TLL1: variants seen among roughly 807,000 people sequenced by gnomAD.
The protein encoded by TLL1 is tolloid-like protein 1.
Under a neutral mutation model 128.2 loss-of-function variants are expected in TLL1, and 49 were observed. The ratio of observed to expected loss-of-function variants is 0.38; its 90% CI spans 0.30 to 0.48. The LOEUF is 0.48. TLL1 is among the 20% of genes least tolerant of loss of function. The probability of loss-of-function intolerance (pLI) is 0.96; values close to 1 mark genes in which losing one functional copy is unlikely to be tolerated. For missense variants in TLL1, 1,123 were observed against 1,242.0 expected (o/e 0.90, Z 1.44); for synonymous variants, 454 against 418.8 (o/e 1.08, Z -1.03).
intron 1 of TLL1, among the ~76,000 whole-genome samples, chr4:165,878,380 T>C (rs1430750257): frequency 6.6e-6 from 1 of 152,106 alleles, no homozygotes; most frequent in East Asian, 1.9e-4. Context: ...TTTTTTTCTC[T>C]TCTTGCCTTG....
At chr4:166,014,863 G>T (rs887912242) in intron 8 of TLL1, among the ~76,000 whole-genome samples, 2 of 151,974 alleles carry the variant, frequency 1.3e-5, no homozygotes, top group Admixed American at 6.6e-5. Context: ...TTAAATAGTT[G>T]CATGATTTCA....
chr4:165,931,424 A>T (rs1733508059), intron 1 of TLL1, among the ~76,000 whole-genome samples: 1 of 152,158 alleles, frequency 6.6e-6, no homozygotes, highest in Admixed American at 6.5e-5. Context: ...TGTGATTAGA[A>T]ATTGCAGTGA....
At chr4:165,930,562 G>A (rs1263901873) in intron 1 of TLL1, among the ~76,000 whole-genome samples, 2 of 152,024 alleles carry the variant, frequency 1.3e-5, no homozygotes, top group East Asian at 3.9e-4. Context: ...TCCAACAGAG[G>A]ATTTATGGTC....
intron 9 of TLL1, among the ~76,000 whole-genome samples, chr4:166,028,938 G>C (rs1190377315): frequency 1.3e-5 from 2 of 151,698 alleles, no homozygotes; most frequent in African/African-American, 4.8e-5. Context: ...TTTAATTATA[G>C]TGCTTATTTT....
At chr4:165,893,261 A>T (rs902365198) in intron 1 of TLL1, among the ~76,000 whole-genome samples, 1 of 152,174 alleles carries the variant, frequency 6.6e-6, no homozygotes, top group Non-Finnish European at 1.5e-5. Context: ...ATTGTGACTG[A>T]AACAACTAAG....
chr4:165,915,999 A>G (rs1402081264), intron 1 of TLL1, among the ~76,000 whole-genome samples: 1 of 152,262 alleles, frequency 6.6e-6, no homozygotes, highest in East Asian at 1.9e-4. Flanking sequence ...ACCAATTATA[A>G]CTTACCAGTG....
intron 1 of TLL1, among the ~76,000 whole-genome samples, chr4:165,875,412 C>A (rs1299395261): frequency 6.6e-6 from 1 of 152,124 alleles, no homozygotes; most frequent in African/African-American, 2.4e-5. Flanking sequence ...ACATCTTTCT[C>A]GGTGCATCCT....
chr4:165,990,259 C>T (rs1176980938), intron 2 of TLL1, among the ~76,000 whole-genome samples: 1 of 151,756 alleles, frequency 6.6e-6, no homozygotes, highest in Non-Finnish European at 1.5e-5. Flanking sequence ...AAGTTAAAAT[C>T]TCTTTCTCTA....
intron 18 of TLL1, among the ~76,000 whole-genome samples, chr4:166,087,095 T>C (rs1741555209): frequency 6.6e-6 from 1 of 152,256 alleles, no homozygotes; most frequent in East Asian, 1.9e-4. Flanking sequence ...ATCATTAAAT[T>C]TGAGGGTACC....
chr4:165,934,375 T>TA (rs1208048820), intron 1 of TLL1, among the ~76,000 whole-genome samples: 3 of 152,048 alleles, frequency 2.0e-5, no homozygotes, highest in Non-Finnish European at 4.4e-5. Flanking sequence ...ACATAAAAAA[T>TA]AAAAAAATAC....
chr4:165,893,760 C>T (rs914410190), intron 1 of TLL1, among the ~76,000 whole-genome samples: 2 of 151,612 alleles, frequency 1.3e-5, no homozygotes, highest in Admixed American at 1.3e-4. Flanking sequence ...TTGAGCGTCA[C>T]ATAGAATATT....
intron 1 of TLL1, among the ~76,000 whole-genome samples, chr4:165,960,763 T>C (rs1000389884): frequency 6.6e-6 from 1 of 152,108 alleles, no homozygotes; most frequent in African/African-American, 2.4e-5. Flanking sequence ...CCCGCCTCCC[T>C]TCAGGATAAA....
chr4:166,073,601 T>G (rs532131559), intron 16 of TLL1, among the ~76,000 whole-genome samples: 1 of 152,284 alleles, frequency 6.6e-6, no homozygotes, highest in African/African-American at 2.4e-5. Flanking sequence ...TTATGATATA[T>G]TCTTTAAAAA....
At chr4:166,074,790 G>T (rs1256456158) in intron 16 of TLL1, 88 bp from the exon 17 acceptor site, 22 of 1,504,296 alleles carry the variant, frequency 1.5e-5, no homozygotes, top group Non-Finnish European at 1.9e-5. Flanking sequence ...TTACCCTTTG[G>T]CAGTGTTAAC....
intron 1 of TLL1, among the ~76,000 whole-genome samples, chr4:165,966,993 A>AT (rs1735415191): frequency 6.6e-6 from 1 of 152,176 alleles, no homozygotes; most frequent in Non-Finnish European, 1.5e-5. Context: ...ACCAGGGCTT[A>AT]TTTCATCCCT....
chr4:166,024,501 T>C (rs1031068812), intron 8 of TLL1, among the ~76,000 whole-genome samples: 6 of 152,160 alleles, frequency 3.9e-5, no homozygotes, highest in Admixed American at 3.9e-4. Flanking sequence ...TAAAGATACT[T>C]CAAACAGCCT....
At chr4:165,949,861 TCAA>T (rs1159060436) in intron 1 of TLL1, among the ~76,000 whole-genome samples, 1 of 151,836 alleles carries the variant, frequency 6.6e-6, no homozygotes, top group Non-Finnish European at 1.5e-5. Context: ...CCAAATTATA[TCAA>T]CAACAAAACG....
chr4:166,080,600 T>A (rs759754023), intron 18 of TLL1, among the ~76,000 whole-genome samples: 9 of 152,150 alleles, frequency 5.9e-5, no homozygotes, highest in South Asian at 2.1e-4. Context: ...TCTCTTTTTT[T>A]ATTAAAATAA....
intron 5 of TLL1, among the ~76,000 whole-genome samples, chr4:165,996,322 T>C (rs1395491143): frequency 1.3e-5 from 2 of 152,040 alleles, no homozygotes; most frequent in Non-Finnish European, 2.9e-5. Flanking sequence ...AAACATCAAC[T>C]AAGGAGCCGG....
Sources: allele counts gnomAD v4.1 joint callset (sites outside exome capture counted in the v4.1 genomes callset), GRCh38; gene constraint gnomAD v4.1.1; transcripts MANE v1.5; gene names NCBI Gene and HGNC (gene_info 2026-07-23, HGNC 2026-07-21).